KCNG3: variants seen among roughly 807,000 people sequenced by gnomAD.
KCNG3 encodes the protein potassium voltage-gated channel modifier subfamily G member 3.
In KCNG3, 15 loss-of-function variants were observed where a neutral mutation model predicts 29.0. The observed-to-expected ratio is 0.52, with a 90% CI of 0.35 to 0.80. KCNG3 has a LOEUF of 0.80. Among genes scored for constraint, KCNG3 ranks in the 30% least tolerant of loss-of-function variants. KCNG3 has a pLI of 0.01. For missense variants in KCNG3, 512 were observed against 605.7 expected (o/e 0.85, Z 1.62); for synonymous variants, 322 against 248.9 (o/e 1.29, Z -2.76).
In KCNG3 at chr2:42,493,454, G is replaced by A; in HGVS notation, c.48C>T (p.Gly16=). ...CCCGGGACAGCGAATACCGGGCGCC[G>A]CCCACGTTCAGCACCACCGAGGCCG... ...SGAASVVLNV[G]GARYSLSREL... Residue 16 remains glycine (G), a synonymous_variant, in exon 1 of 2, where the codon GGC becomes GGT. Transcript: ENST00000306078. 2 of 1,464,532 alleles carry A rather than the reference G, an allele frequency of 1.4e-6. No homozygotes were observed. The highest frequency in any genetic ancestry group is 2.8e-5 in the South Asian group (2 of 71,152). 90.7% of individuals were successfully genotyped at this position (1,464,532 alleles called of 1,614,324 possible). A position where few individuals can be genotyped will look rare whatever the true frequency, so the allele number is the denominator to read the frequency against.
At chr2:42,469,141 G>A (rs1052431458) in intron 1 of KCNG3, among the ~76,000 whole-genome samples, 6 of 151,838 alleles carry the variant, frequency 4.0e-5, no homozygotes, top group East Asian at 1.9e-4. Flanking sequence ...ATGGCAGGCC[G>A]GGCGCAGTGG....
chr2:42,419,219 CTTTTTTTTTTTTTTT>C, the KCNG3 span, among the ~76,000 whole-genome samples: 69 of 27,740 alleles, frequency 2.5e-3, no homozygotes, highest in Non-Finnish European at 3.9e-3. Flanking sequence ...GATGGTATCT[CTTTTTTTTTTTTTTT>C]TTTTTTTTTT....
intron 1 of KCNG3, among the ~76,000 whole-genome samples, chr2:42,475,358 C>T (rs1257837081): frequency 7.0e-6 from 1 of 142,922 alleles, no homozygotes; most frequent in Non-Finnish European, 1.5e-5. Context: ...TAGAGTCTCG[C>T]TCTGTCGCCC....
intron 1 of KCNG3, among the ~76,000 whole-genome samples, chr2:42,473,382 C>T (rs1673340966): frequency 6.6e-6 from 1 of 151,366 alleles, no homozygotes; most frequent in South Asian, 2.1e-4. Context: ...GACAGTCTCA[C>T]TCTGTCTCCC....
At chr2:42,460,062 G>T (rs926003216) in intron 1 of KCNG3, among the ~76,000 whole-genome samples, 7 of 151,930 alleles carry the variant, frequency 4.6e-5, no homozygotes, top group African/African-American at 1.5e-4. Flanking sequence ...GCAACTTCTT[G>T]CAAGTATAAA....
At chr2:42,431,703 T>G in the KCNG3 span, among the ~76,000 whole-genome samples, 1 of 152,182 alleles carries the variant, frequency 6.6e-6, no homozygotes, top group South Asian at 2.1e-4. Context: ...CTAAAGGAAT[T>G]TCACAATGAT....
At chr2:42,457,733 T>C (rs1370515843) in intron 1 of KCNG3, among the ~76,000 whole-genome samples, 2 of 150,514 alleles carry the variant, frequency 1.3e-5, no homozygotes, top group East Asian at 2.0e-4. Context: ...GAAGGATCAC[T>C]TGGGCCCAGG....
chr2:42,457,627 TCACACACACACACACA>T (rs56251665), intron 1 of KCNG3, among the ~76,000 whole-genome samples: 9 of 125,518 alleles, frequency 7.2e-5, no homozygotes, highest in Admixed American at 1.7e-4. Flanking sequence ...CAGGCAGATC[TCACACACACACACACA>T]CACACACACA....
chr2:42,408,933 G>C, the KCNG3 span, among the ~76,000 whole-genome samples: 3 of 152,228 alleles, frequency 2.0e-5, no homozygotes, highest in East Asian at 5.8e-4. Flanking sequence ...CCAAGTTTCT[G>C]AATGCTTGTT....
At chr2:42,420,092 C>T in the KCNG3 span, among the ~76,000 whole-genome samples, 23 of 152,150 alleles carry the variant, frequency 1.5e-4, no homozygotes, top group East Asian at 7.7e-4. Flanking sequence ...GGCATGGTGG[C>T]GGGCCCCTAT....
chr2:42,485,744 G>A (rs529819394), intron 1 of KCNG3, among the ~76,000 whole-genome samples: 37 of 152,198 alleles, frequency 2.4e-4, no homozygotes, highest in African/African-American at 7.0e-4. Flanking sequence ...CACCGTGCCC[G>A]GCAAATGCTT....
the KCNG3 span, among the ~76,000 whole-genome samples, chr2:42,420,062 A>T: frequency 6.6e-6 from 1 of 152,080 alleles, no homozygotes; most frequent in African/African-American, 2.4e-5. Context: ...TATCTCTACT[A>T]AAAATACAAA....
At chr2:42,430,568 T>C in the KCNG3 span, among the ~76,000 whole-genome samples, 6 of 151,566 alleles carry the variant, frequency 4.0e-5, no homozygotes, top group Admixed American at 1.3e-4. Context: ...CTGGGCAACA[T>C]AGTTAGCCCT....
At chr2:42,414,582 G>A in the KCNG3 span, among the ~76,000 whole-genome samples, 2 of 148,618 alleles carry the variant, frequency 1.3e-5, no homozygotes, top group Non-Finnish European at 3.0e-5. Context: ...TGTGCAGTCT[G>A]TCTCAGCATT....
At chr2:42,410,271 A>C in the KCNG3 span, among the ~76,000 whole-genome samples, 3 of 152,208 alleles carry the variant, frequency 2.0e-5, no homozygotes, top group African/African-American at 7.2e-5. Context: ...GAATAACCTT[A>C]TATGTATGTC....
chr2:42,415,728 T>TCAAAACAAAACAAAA, the KCNG3 span, among the ~76,000 whole-genome samples: 3 of 151,698 alleles, frequency 2.0e-5, no homozygotes, highest in South Asian at 6.2e-4. Flanking sequence ...AGACTCTGTC[T>TCAAAACAAAACAAAA]CAAAACAAAA....
At chr2:42,403,685 G>C in the KCNG3 span, among the ~76,000 whole-genome samples, 1 of 141,138 alleles carries the variant, frequency 7.1e-6, no homozygotes, top group Admixed American at 7.3e-5. Context: ...GGCTGGTTTT[G>C]AACTCCTGAT....
chr2:42,475,734 T>A (rs907014252), intron 1 of KCNG3, among the ~76,000 whole-genome samples: 4 of 151,756 alleles, frequency 2.6e-5, no homozygotes, highest in Non-Finnish European at 4.4e-5. Flanking sequence ...TAGGATGCAA[T>A]TGATCAAAAC....
chr2:42,469,317 C>G (rs1037597027), intron 1 of KCNG3, among the ~76,000 whole-genome samples: 2 of 150,314 alleles, frequency 1.3e-5, no homozygotes, highest in African/African-American at 4.9e-5. Context: ...CTCAGGAGGC[C>G]GAGGCAGAAG....
Sources: allele counts gnomAD v4.1 joint callset (sites outside exome capture counted in the v4.1 genomes callset), GRCh38; gene constraint gnomAD v4.1.1; transcripts MANE v1.5; gene names NCBI Gene and HGNC (gene_info 2026-07-23, HGNC 2026-07-21).